EGFLAM: variants seen among roughly 807,000 people sequenced by gnomAD.
EGFLAM encodes the protein EGF like, fibronectin type III and laminin G domains, also known as pikachurin.
Under a neutral mutation model 113.1 loss-of-function variants are expected in EGFLAM, and 79 were observed. The observed-to-expected ratio is 0.70, with a 90% confidence interval of 0.58 to 0.84. The LOEUF is 0.84. Ranked by LOEUF, EGFLAM falls within the 40% of genes least tolerant of loss-of-function variation. EGFLAM has a pLI of 0.00. For synonymous variants in EGFLAM, 504 were observed against 487.6 expected, an observed-to-expected ratio of 1.03 and a Z score of -0.44; for missense variants, 1,265 against 1,291.6, an observed-to-expected ratio of 0.98 and a Z score of 0.32.
At chr5:38,407,586 G>A (rs1010673021) in intron 8 of EGFLAM, among the ~76,000 whole-genome samples, 20 of 152,122 alleles carry the variant, frequency 1.3e-4, no homozygotes, top group Non-Finnish European at 2.2e-4. Context: ...AGCCAGTGCC[G>A]GTCTCCAAAA....
chr5:38,426,914 G>C lies in EGFLAM; in HGVS notation c.1811-95G>C. On this transcript the variant is annotated intron_variant, in intron 13 of 21. Transcript: ENST00000322350. ...CAGGGCTGCTGGGAATTGTAGTTTA[G>C]GTCTGTACCCAGGAGGGAAAGAACA... is the stretch of plus-strand genomic sequence containing the variant. 6 of 1,536,936 alleles carry C rather than the reference G, an allele frequency of 3.9e-6. 1 individual carries two copies. The South Asian group carries it at 7.5e-5, about 19-fold the overall frequency.
intron 1 of EGFLAM, among the ~76,000 whole-genome samples, chr5:38,269,344 A>G (rs1056386601): frequency 6.6e-6 from 1 of 152,192 alleles, no homozygotes; most frequent in Non-Finnish European, 1.5e-5. Context: ...CTGACTAGTC[A>G]TGGTAGAATA....
intron 3 of EGFLAM, among the ~76,000 whole-genome samples, chr5:38,343,942 T>A (rs1739409141): frequency 6.6e-6 from 1 of 152,246 alleles, no homozygotes; most frequent in Non-Finnish European, 1.5e-5. Flanking sequence ...CAGCAGAACC[T>A]GGCTCTCCTG....
intron 1 of EGFLAM, among the ~76,000 whole-genome samples, chr5:38,312,486 C>T (rs1738481330): frequency 1.3e-5 from 2 of 151,984 alleles, no homozygotes; most frequent in South Asian, 2.1e-4. Context: ...GTGATCCGCC[C>T]GCCTCGGCCT....
In EGFLAM at chr5:38,300,462, G is replaced by A. The variant is rs189315572; in HGVS notation, c.98-37058G>A. ...GCAATCTCGGCTAACTGCAACCTTCGCCTTCTGGGTTCAAGTGCTTCTCCT... is the reference window on the plus strand; with the variant it reads ...GCAATCTCGGCTAACTGCAACCTTCACCTTCTGGGTTCAAGTGCTTCTCCT... On this transcript the variant is annotated intron_variant, in intron 1 of 21. Transcript: ENST00000322350. 1.4e-4 allele frequency among the ~76,000 whole-genome samples: 21 copies of A among 150,016 alleles called. No homozygotes were observed. The East Asian group carries it at 2.6e-3, about 18-fold the overall frequency.
intron 17 of EGFLAM, among the ~76,000 whole-genome samples, chr5:38,444,901 C>T (rs1378121801): frequency 1.3e-5 from 2 of 152,072 alleles, no homozygotes; most frequent in African/African-American, 4.8e-5. Context: ...GCCGAGATCG[C>T]GCCACTGCAC....
At chr5:38,352,052 A>C in intron 4 of EGFLAM, 144 bp from the exon 5 acceptor site, 1 of 1,099,480 alleles carries the variant, frequency 9.1e-7, no homozygotes, top group Non-Finnish European at 1.3e-6. Flanking sequence ...CTGAACAGAG[A>C]TATTTTGGGT....
At chr5:38,348,341 G>A (rs1015335482) in intron 3 of EGFLAM, among the ~76,000 whole-genome samples, 1 of 152,110 alleles carries the variant, frequency 6.6e-6, no homozygotes, top group Admixed American at 6.5e-5. Flanking sequence ...AGAAGATGGT[G>A]ACAGGGCGAA....
intron 1 of EGFLAM, among the ~76,000 whole-genome samples, chr5:38,289,576 A>G (rs185134365): frequency 4.6e-5 from 7 of 152,342 alleles, no homozygotes; most frequent in African/African-American, 1.7e-4. Context: ...AAGTGGACAG[A>G]AGGATCTCAC....
intron 1 of EGFLAM, among the ~76,000 whole-genome samples, chr5:38,322,639 C>A (rs1738772694): frequency 6.6e-6 from 1 of 152,116 alleles, no homozygotes; most frequent in African/African-American, 2.4e-5. Flanking sequence ...AAGCACTCCA[C>A]AAAGGTAGAT....
chr5:38,417,928 C>T, intron 11 of EGFLAM, 138 bp from the exon 12 acceptor site: 1 of 885,818 alleles, frequency 1.1e-6, no homozygotes, highest in African/African-American at 1.7e-5. Flanking sequence ...AAGGCAAGGT[C>T]TTAAAGATAA....
At chr5:38,353,879 A>G (rs975216018) in intron 5 of EGFLAM, among the ~76,000 whole-genome samples, 3 of 152,178 alleles carry the variant, frequency 2.0e-5, no homozygotes, top group African/African-American at 7.2e-5. Context: ...TAGGAAAGAG[A>G]GTGGCTTTCT....
intron 1 of EGFLAM, among the ~76,000 whole-genome samples, chr5:38,277,410 A>G (rs988505424): frequency 8.5e-5 from 13 of 152,190 alleles, no homozygotes; most frequent in African/African-American, 2.9e-4. Context: ...GATGGAATGT[A>G]CCTCAACATA....
rs567424713 is a variant in EGFLAM, at chr5:38,293,292, A to C, written c.97+34441A>C. ...AGTCTCAGCTGTGTCATCAAGATGG[A>C]ATCTTCAACCTTTCTGAACTTTGGT... is the stretch of plus-strand genomic sequence containing the variant. On this transcript the variant is annotated intron_variant, in intron 1 of 21. Coordinates refer to ENST00000322350, the MANE Select transcript of EGFLAM (RefSeq NM_152403.4). 2.0e-5 allele frequency among the ~76,000 whole-genome samples: 3 copies of C among 152,300 alleles called. No individual in the cohort carries two copies. The South Asian group carries it at 6.2e-4, about 32-fold the overall frequency.
intron 10 of EGFLAM, among the ~76,000 whole-genome samples, chr5:38,412,071 A>G (rs891508602): frequency 1.3e-5 from 2 of 152,222 alleles, no homozygotes; most frequent in Admixed American, 6.5e-5. Flanking sequence ...AAGTGCTGGG[A>G]TTACAGACGT....
chr5:38,462,950 C>A lies in EGFLAM; in HGVS notation c.2814C>A (p.Ala938=). 1.2e-6 allele frequency: 2 copies of A among 1,614,118 alleles called. No individual in the cohort carries two copies. The highest frequency in any genetic ancestry group is 2.2e-5 in the South Asian group (2 of 91,076). The change falls in exon 21 of 22, where the codon GCC becomes GCA. Residue 938 remains alanine (A), a synonymous_variant. Transcript: ENST00000322350. The stretch of plus-strand genomic sequence containing the variant: ...AGATAACCGTGGATGACTATGGAGC[C>A]AGAACAGGCAAATCCCCAGGCATGA... The part of the protein sequence containing the change: ...SGKITVDDYG[A]RTGKSPGMMR...
At position 38,370,305 on chromosome 5, in the gene EGFLAM, C is replaced by A; in HGVS notation, c.555C>A (p.Phe185Leu). Residue 185 changes from phenylalanine (F) to leucine (L), a missense_variant, in exon 6 of 22, where the codon TTC becomes TTA. By Grantham distance (22) the Phe-to-Leu change is conservative (BLOSUM62 0). Coordinates refer to ENST00000322350, the MANE Select transcript of EGFLAM (RefSeq NM_152403.4). ...YYSVEFIRPD[F>L]DKKWTSIHER... is the part of the protein sequence containing the mutation. ...TTTCTAATCAATAAAGGCCAGATTT[C>A]GACAAGAAGTGGACCTCAATCCATG... 1 of 1,613,204 alleles carries A rather than the reference C, an allele frequency of 6.2e-7. No individual in the cohort carries two copies. Among genetic ancestry groups the A allele is most frequent in the African/African-American group, 1.3e-5 (1 of 75,038 alleles).
chr5:38,400,739 A>T (rs1480387942), intron 6 of EGFLAM, among the ~76,000 whole-genome samples: 2 of 152,112 alleles, frequency 1.3e-5, no homozygotes, highest in Non-Finnish European at 2.9e-5. Flanking sequence ...GGAGTTTGGG[A>T]TGCTGCAAAG....
rs373176868 is a variant in EGFLAM, at chr5:38,390,091, G to A, written c.713-16035G>A. ...GGTAGAGAAAAAAATTACAGGTACA[G>A]GGGCAGCCCCTGAGTACTTCCCAAC... is the stretch of plus-strand genomic sequence containing the variant. On this transcript the variant is annotated intron_variant, in intron 6 of 21. Transcript: ENST00000322350. Among the ~76,000 whole-genome samples, 30 of 152,230 alleles carry A rather than the reference G, an allele frequency of 2.0e-4. No homozygotes were observed. In the East Asian group the frequency reaches 4.6e-3, roughly 24 times the overall value.
Sources: gnomAD v4.1 joint callset for allele counts (sites outside exome capture counted in the v4.1 genomes callset) on GRCh38, gnomAD v4.1.1 for gene constraint, MANE v1.5 for transcripts, NCBI Gene and HGNC (gene_info 2026-07-23, HGNC 2026-07-21) for gene names.